Variants in CEP250 observed in about 807,000 individuals in gnomAD.
CEP250 encodes centrosome-associated protein CEP250.
CEP250 carries 242 observed loss-of-function variants against 315.7 expected under a neutral mutation model. That is an observed-to-expected ratio of 0.77 (90% CI 0.69 to 0.85). The LOEUF is 0.85. Ranked by LOEUF, CEP250 falls within the 40% of genes least tolerant of loss-of-function variation. The probability of loss-of-function intolerance (pLI) is 0.00; values close to 1 mark genes in which losing one functional copy is unlikely to be tolerated. For synonymous variants in CEP250, 1,088 were observed against 1,175.0 expected, an observed-to-expected ratio of 0.93 and a Z score of 1.51; for missense variants, 2,515 against 2,886.4, an observed-to-expected ratio of 0.87 and a Z score of 2.95.
intron 20 of CEP250, among the ~76,000 whole-genome samples, chr20:35,484,182 CTTTTT>C (rs2063438379): frequency 6.7e-6 from 1 of 149,360 alleles, no homozygotes; most frequent in Non-Finnish European, 1.5e-5. Context: ...CTTTTTTTTT[CTTTTT>C]TCTTTTTTTC....
chr20:35,509,075 G>A, intron 33 of CEP250, 31 bp downstream of exon 33: 1 of 1,532,746 alleles, frequency 6.5e-7, no homozygotes, highest in Non-Finnish European at 8.8e-7. Context: ...TGCAGCCTTA[G>A]AGAGCCCAAC....
At position 35,469,862 on chromosome 20, in the gene CEP250, G is replaced by A. The variant is rs189948469; in HGVS notation, c.852-28G>A. 714 of 1,510,590 alleles carry A rather than the reference G, an allele frequency of 4.7e-4. 6 individuals are homozygous for A. The African/African-American group carries it at 8.4e-3, about 18-fold the overall frequency. The allele number at this position is 1,510,590 out of a possible 1,614,324, so 93.6% of individuals were successfully genotyped here. A position where few individuals can be genotyped will look rare whatever the true frequency, so the allele number is the denominator to read the frequency against. On this transcript the variant is annotated intron_variant, in intron 9 of 34. Transcript: ENST00000397527. ...TCTGTCCACATCCATGGGCTGTTCTGGTGACAGTGCTATGCTCTTCTCTTT... is the reference window on the plus strand; with the variant it reads ...TCTGTCCACATCCATGGGCTGTTCTAGTGACAGTGCTATGCTCTTCTCTTT...
chr20:35,492,970 C>T (rs973048242), intron 22 of CEP250, among the ~76,000 whole-genome samples: 4 of 152,096 alleles, frequency 2.6e-5, no homozygotes, highest in African/African-American at 9.7e-5. Flanking sequence ...TCAAGTGATC[C>T]ACCCACCTTG....
At position 35,485,252 on chromosome 20, in the gene CEP250, G is replaced by A. The variant is rs1405819261; in HGVS notation, c.2586+5107G>A. 7.9e-5 allele frequency among the ~76,000 whole-genome samples: 12 copies of A among 151,760 alleles called. No individual in the cohort carries two copies. In the East Asian group the frequency reaches 2.3e-3, roughly 29 times the overall value. The stretch of plus-strand genomic sequence containing the variant: ...TAGCCGGGTGTGGTGGCACATGCCT[G>A]TAGTCCCAGCTACTTGGGAGGCTGA... On this transcript the variant is annotated intron_variant, in intron 20 of 34. Coordinates refer to ENST00000397527, the MANE Select transcript of CEP250 (RefSeq NM_007186.6).
intron 3 of CEP250, among the ~76,000 whole-genome samples, chr20:35,461,872 T>C (rs1489399188): frequency 4.1e-5 from 1 of 24,464 alleles, no homozygotes; most frequent in Non-Finnish European, 8.0e-5. Context: ...GTTCACAGGC[T>C]CCCAGGCTGG....
At chr20:35,474,536 C>T (rs761239424) in intron 14 of CEP250, among the ~76,000 whole-genome samples, 2 of 152,048 alleles carry the variant, frequency 1.3e-5, no homozygotes, top group Non-Finnish European at 2.9e-5. Flanking sequence ...AAAGAAAAGG[C>T]GGCAGGAAGG....
rs147955015 is a variant in CEP250, at chr20:35,503,938, C to T, written c.5569C>T (p.Arg1857Cys). 97 of 1,613,170 alleles carry T rather than the reference C, an allele frequency of 6.0e-5. 1 individual carries two copies. The African/African-American group carries it at 1.0e-3, about 17-fold the overall frequency. The stretch of plus-strand genomic sequence containing the variant: ...GCAAGCCCATATGACACTGAAGGAG[C>T]GTCATGGAGAGCTTCAGGACCACAA... ...LEQAHMTLKE[R>C]HGELQDHKEQ... Residue 1857 changes from arginine to cysteine, a missense_variant, in exon 30 of 35, where the codon CGT becomes TGT. By Grantham distance (180) the Arg-to-Cys change is radical. Coordinates refer to ENST00000397527, the MANE Select transcript of CEP250 (RefSeq NM_007186.6). The surrounding 1 kb of genome is among the most constrained non-coding windows in gnomAD (Gnocchi z 4.2).
rs891517956 is a variant in CEP250 at position 35,512,500 on chromosome 20, G to A, written c.*874G>A. 3.3e-5 allele frequency: 5 copies of A among 152,178 alleles called. No individual in the cohort carries two copies. The highest frequency in any genetic ancestry group is 1.2e-4 in the African/African-American group (5 of 41,436). The allele number at this position is 152,178 out of a possible 1,614,324, so 9.4% of individuals were successfully genotyped here. ...CATTCCTCTTCTACTCTGGGTGAAT[G>A]TCCTTGAGATGTCGCTTCCTGGGCA... is the stretch of plus-strand genomic sequence containing the variant. On this transcript the variant is annotated 3_prime_UTR_variant, in exon 35 of 35. Coordinates refer to ENST00000397527, the MANE Select transcript of CEP250 (RefSeq NM_007186.6).
At position 35,517,281 on chromosome 20, in the gene CEP250, T is replaced by C. The variant is rs224389; in HGVS notation, c.*5655T>C. 151,734 of 152,392 alleles carry C rather than the reference T, an allele frequency of 1. 75,545 individuals are homozygous for C. The highest frequency in any genetic ancestry group is 1 in the Middle Eastern group (296 of 296). 9.4% of individuals were successfully genotyped at this position (152,392 alleles called of 1,614,324 possible). A position where few individuals can be genotyped will look rare whatever the true frequency, so the allele number is the denominator to read the frequency against. On this transcript the variant is annotated 3_prime_UTR_variant, in exon 35 of 35. Transcript: ENST00000397527. ...TGCCCAATAGAGTCCTTCATCTTGG[T>C]GTTCAGCCCAGGGTCCAGCTGCCAA...
intron 3 of CEP250, among the ~76,000 whole-genome samples, 159 bp downstream of exon 3, chr20:35,460,264 C>T (rs1454033658): frequency 6.6e-6 from 1 of 152,200 alleles, no homozygotes; most frequent in Non-Finnish European, 1.5e-5. Flanking sequence ...ACTTTATGCA[C>T]TTTCCTTACT....
In CEP250 at chr20:35,497,913, C is replaced by T. The variant is rs147057333; in HGVS notation, c.3501C>T (p.Ala1167=). The change falls in exon 26 of 35, where the codon GCC becomes GCT. Residue 1167 remains alanine, a synonymous_variant. Transcript: ENST00000397527. ...RSTESQLEAL[A]AEQQPGNQAQ... ...CAGAGAGCCAGCTAGAAGCGCTGGC[C>T]GCAGAGCAGCAGCCCGGGAACCAGG... 80 of 1,609,776 alleles carry T rather than the reference C, an allele frequency of 5.0e-5. 1 individual carries two copies. In the African/African-American group the frequency reaches 8.1e-4, roughly 16 times the overall value.
intron 34 of CEP250, among the ~76,000 whole-genome samples, chr20:35,510,258 A>G (rs1251142515): frequency 6.6e-6 from 1 of 152,164 alleles, no homozygotes; most frequent in Admixed American, 6.5e-5. Context: ...CGACTTCCAA[A>G]TCCATACTTA....
intron 2 of CEP250, among the ~76,000 whole-genome samples, chr20:35,458,964 ATCTT>A (rs1469802089): frequency 1.1e-3 from 97 of 91,412 alleles, no homozygotes; most frequent in African/African-American, 4.1e-3. Flanking sequence ...TATAATGCAA[ATCTT>A]TTTTTTTTTT....
chr20:35,471,879 C>T (rs950167233), intron 10 of CEP250, among the ~76,000 whole-genome samples, 171 bp from the exon 11 acceptor site: 10 of 152,122 alleles, frequency 6.6e-5, no homozygotes, highest in African/African-American at 2.4e-4. Context: ...TTGTAATCAC[C>T]ACATCACATT....
At chr20:35,463,715 G>T in intron 5 of CEP250, 84 bp downstream of exon 5, 1 of 1,166,536 alleles carries the variant, frequency 8.6e-7, no homozygotes. Context: ...AGGGAGGTTG[G>T]AGTGTACAAG....
chr20:35,502,386 C>T lies in CEP250; in HGVS notation c.4021-4C>T. Reference sequence around the variant, plus strand: ...CTAAAGTGGCTTTTCATCTTGTCTTCTAGGGTGAGCGAGAGTTACTTCAGG... The same window carrying T: ...CTAAAGTGGCTTTTCATCTTGTCTTTTAGGGTGAGCGAGAGTTACTTCAGG... On this transcript the variant is annotated splice_region_variant and splice_polypyrimidine_tract_variant and intron_variant, in intron 29 of 34. Coordinates refer to ENST00000397527, the MANE Select transcript of CEP250 (RefSeq NM_007186.6). 1.2e-6 allele frequency: 2 copies of T among 1,610,118 alleles called. No homozygotes were observed. The highest frequency in any genetic ancestry group is 1.7e-6 in the Non-Finnish European group (2 of 1,178,034).
In CEP250 at chr20:35,478,086, A is replaced by G; in HGVS notation, c.2079A>G (p.Gln693=). Residue 693 remains glutamine, a synonymous_variant, in exon 17 of 35, where the codon CAA becomes CAG. Transcript: ENST00000397527. ...RDIQEEKEEI[Q]KKLSESRHQQ... is the part of the protein sequence containing the mutation. ...TCCAAGAAGAGAAGGAAGAAATTCA[A>G]AAGAAACTAAGTGAGGTGAGAAGCC... The G allele has an allele frequency of 6.2e-7, 1 of 1,613,606 alleles. No homozygotes were observed. The highest frequency in any genetic ancestry group is 1.1e-5 in the South Asian group (1 of 90,958).
Position 35,466,278 on chromosome 20 carries a change from G to A in CEP250, c.492+74G>A, listed in dbSNP as rs186244529. 31 of 1,477,718 alleles carry A rather than the reference G, an allele frequency of 2.1e-5. No individual in the cohort carries two copies. The African/African-American group carries it at 4.1e-4, about 19-fold the overall frequency. 91.5% of individuals were successfully genotyped at this position (1,477,718 alleles called of 1,614,324 possible). On this transcript the variant is annotated intron_variant, in intron 7 of 34. Coordinates refer to ENST00000397527, the MANE Select transcript of CEP250 (RefSeq NM_007186.6). ...GATGCTGCCCTGGTCAGTACTGGAA[G>A]GAGTTAACTTCAGGACTTGGATGAA...
At position 35,508,092 on chromosome 20, in the gene CEP250, C is replaced by G. The variant is rs754265151; in HGVS notation, c.6808C>G (p.Gln2270Glu). 2 of 1,614,152 alleles carry G rather than the reference C, an allele frequency of 1.2e-6. No homozygotes were observed. The highest frequency in any genetic ancestry group is 1.7e-5 in the Admixed American group (1 of 60,016). Residue 2270 changes from glutamine to glutamate, a missense_variant, in exon 32 of 35, where the codon CAA becomes GAA. By Grantham distance (29) the Gln-to-Glu change is conservative (BLOSUM62 2). Transcript: ENST00000397527. Reference protein sequence around the residue: ...PDGMEKQSWRQRLEHLQQAVA... With the variant: ...PDGMEKQSWRERLEHLQQAVA... ...TGGAATGGAGAAGCAGTCATGGAGA[C>G]AAAGGCTTGAACACCTGCAGCAAGC...
Sources: gnomAD v4.1 joint callset for allele counts (sites outside exome capture counted in the v4.1 genomes callset) on GRCh38, gnomAD v4.1.1 for gene constraint, Gnocchi (gnomAD v3.1) non-coding constraint, MANE v1.5 for transcripts, NCBI Gene and HGNC (gene_info 2026-07-23, HGNC 2026-07-21) for gene names.